Variants in NCKAP5 observed in about 807,000 individuals in gnomAD.
The protein encoded by NCKAP5 is NCK associated protein 5, also known as nck-associated protein 5.
A neutral mutation model predicts 167.0 loss-of-function variants in NCKAP5; 92 were observed. The observed-to-expected ratio is 0.55, with a 90% CI of 0.47 to 0.66. NCKAP5 has a LOEUF of 0.66. Among genes scored for constraint, NCKAP5 ranks in the 30% least tolerant of loss-of-function variants. The pLI, the probability that NCKAP5 is intolerant of heterozygous loss-of-function variation, is 0.00. For synonymous variants in NCKAP5, 891 were observed against 877.4 expected (o/e 1.02, Z -0.27); for missense variants, 2,378 against 2,315.0 (o/e 1.03, Z -0.56).
chr2:133,404,002 C>G (rs941266797), intron 3 of NCKAP5, among the ~76,000 whole-genome samples: 1 of 152,168 alleles, frequency 6.6e-6, no homozygotes, highest in Admixed American at 6.5e-5. Context: ...GCAGCCCAGG[C>G]TCTGTGGCTC....
At chr2:133,448,976 T>C (rs989337562) in intron 3 of NCKAP5, among the ~76,000 whole-genome samples, 1 of 152,250 alleles carries the variant, frequency 6.6e-6, no homozygotes, top group Non-Finnish European at 1.5e-5. Flanking sequence ...CACAGACATA[T>C]GCACCATGTA....
chr2:133,105,894 A>C (rs2081668431), intron 6 of NCKAP5, among the ~76,000 whole-genome samples: 1 of 152,156 alleles, frequency 6.6e-6, no homozygotes, highest in Admixed American at 6.5e-5. Flanking sequence ...ACATGTTTAT[A>C]TTGCGCTTTC....
At chr2:133,134,659 T>C (rs759369912) in intron 5 of NCKAP5, among the ~76,000 whole-genome samples, 2 of 152,240 alleles carry the variant, frequency 1.3e-5, no homozygotes, top group African/African-American at 4.8e-5. Flanking sequence ...TCCATGGTTC[T>C]ACAGAATGAT....
chr2:133,629,265 T>C, the NCKAP5 span, among the ~76,000 whole-genome samples: 1 of 152,094 alleles, frequency 6.6e-6, no homozygotes, highest in Non-Finnish European at 1.5e-5. Context: ...ATCCAGAATC[T>C]ACAAGGAACT....
chr2:133,555,383 T>G (rs1290323447), intron 2 of NCKAP5, among the ~76,000 whole-genome samples: 3 of 152,224 alleles, frequency 2.0e-5, no homozygotes, highest in Admixed American at 1.3e-4. Flanking sequence ...CTCTTCATTT[T>G]CTTTCGTGTT....
intron 6 of NCKAP5, among the ~76,000 whole-genome samples, chr2:133,125,660 T>G (rs1366612062): frequency 6.6e-6 from 1 of 152,226 alleles, no homozygotes; most frequent in Non-Finnish European, 1.5e-5. Flanking sequence ...TGCCTCTAAC[T>G]ACTACCTTAT....
intron 19 of NCKAP5, among the ~76,000 whole-genome samples, chr2:132,704,738 C>T (rs1030052941): frequency 1.3e-5 from 2 of 152,140 alleles, no homozygotes; most frequent in Non-Finnish European, 2.9e-5. Context: ...CTTTAAACAC[C>T]CTTAACTCCA....
chr2:133,293,839 T>C (rs369407522), intron 4 of NCKAP5, among the ~76,000 whole-genome samples: 4 of 152,174 alleles, frequency 2.6e-5, no homozygotes, highest in South Asian at 2.1e-4. Context: ...TGGTGGGTAA[T>C]TGGGGAGTGA....
chr2:132,896,548 A>C (rs1347814050), intron 8 of NCKAP5, among the ~76,000 whole-genome samples: 1 of 152,206 alleles, frequency 6.6e-6, no homozygotes, highest in Non-Finnish European at 1.5e-5. Context: ...GGCTGGATAA[A>C]GGAAGAATAA....
chr2:133,285,709 A>G (rs1179597665), intron 4 of NCKAP5, among the ~76,000 whole-genome samples: 5 of 152,208 alleles, frequency 3.3e-5, no homozygotes, highest in African/African-American at 1.2e-4. Flanking sequence ...ACCACGGTAA[A>G]CACCTACGGC....
intron 7 of NCKAP5, among the ~76,000 whole-genome samples, chr2:132,965,021 T>G (rs1289583947): frequency 6.6e-6 from 1 of 152,238 alleles, no homozygotes; most frequent in Admixed American, 6.5e-5. Context: ...TGTATACATT[T>G]ATACATATAT....
intron 3 of NCKAP5, among the ~76,000 whole-genome samples, chr2:133,501,388 G>A (rs1682500148): frequency 6.6e-6 from 1 of 152,132 alleles, no homozygotes; most frequent in Admixed American, 6.5e-5. Context: ...TTATAAAATT[G>A]AGTCCTTAAT....
intron 4 of NCKAP5, among the ~76,000 whole-genome samples, chr2:133,240,017 T>C (rs1416236283): frequency 6.6e-6 from 1 of 152,180 alleles, no homozygotes; most frequent in Non-Finnish European, 1.5e-5. Flanking sequence ...TCTCAAATCA[T>C]ATTTTAACAG....
At chr2:133,483,950 AT>A (rs2151323875) in intron 3 of NCKAP5, among the ~76,000 whole-genome samples, 1 of 152,266 alleles carries the variant, frequency 6.6e-6, no homozygotes, top group East Asian at 1.9e-4. Flanking sequence ...AGCAGTTAAC[AT>A]TTTAGTGCCT....
At chr2:133,460,187 A>T (rs1277884421) in intron 3 of NCKAP5, among the ~76,000 whole-genome samples, 2 of 152,174 alleles carry the variant, frequency 1.3e-5, no homozygotes. Context: ...TAGCTCACAC[A>T]TATTCACCAC....
chr2:133,221,179 T>C (rs2086648300), intron 4 of NCKAP5, among the ~76,000 whole-genome samples: 1 of 152,158 alleles, frequency 6.6e-6, no homozygotes, highest in Non-Finnish European at 1.5e-5. Flanking sequence ...CAAATAAACA[T>C]GCTTACATAT....
chr2:133,167,129 C>T (rs2084032043), intron 5 of NCKAP5, among the ~76,000 whole-genome samples: 1 of 152,156 alleles, frequency 6.6e-6, no homozygotes, highest in African/African-American at 2.4e-5. Flanking sequence ...AATCCACTTA[C>T]CTAAGAGCAA....
chr2:133,227,310 C>T (rs4954047), intron 4 of NCKAP5, among the ~76,000 whole-genome samples: 58,513 of 152,012 alleles, frequency 0.38, 11,540 homozygotes, highest in Admixed American at 0.42. Flanking sequence ...TTTGGTATGT[C>T]CATCTTCATA....
upstream of NCKAP5, among the ~76,000 whole-genome samples, chr2:133,572,273 C>T (rs1444663229): frequency 1.3e-5 from 2 of 152,196 alleles, no homozygotes; most frequent in East Asian, 3.8e-4. Context: ...ACCATTAATA[C>T]TCCTGGGTCT....
Sources: allele counts gnomAD v4.1 joint callset (sites outside exome capture counted in the v4.1 genomes callset), GRCh38; gene constraint gnomAD v4.1.1; transcripts MANE v1.5; gene names NCBI Gene and HGNC (gene_info 2026-07-23, HGNC 2026-07-21).